GSTA4: variants seen among roughly 807,000 people sequenced by gnomAD.
GSTA4 encodes glutathione S-transferase alpha 4, also known as glutathione S-transferase A4.
Under a neutral mutation model 24.4 loss-of-function variants are expected in GSTA4, and 15 were observed. That is an observed-to-expected ratio of 0.61 (90% CI 0.41 to 0.95). GSTA4 has a LOEUF of 0.95. Among genes scored for constraint, GSTA4 ranks in the 40% least tolerant of loss-of-function variants. The pLI is 0.00. For missense variants in GSTA4, 244 were observed against 262.1 expected (o/e 0.93, Z 0.48); for synonymous variants, 92 against 94.2 (o/e 0.98, Z 0.13).
At position 52,985,494 on chromosome 6, in the gene GSTA4, C is replaced by T; in HGVS notation, c.229G>A (p.Asp77Asn). The change falls in exon 4 of 7, where the codon GAC (aspartate) becomes AAC (asparagine). Residue 77 changes from aspartate to asparagine, a missense_variant. Coordinates refer to ENST00000370963, the MANE Select transcript of GSTA4 (RefSeq NM_001512.4). The stretch of plus-strand genomic sequence containing the variant: ...TTCTTGCCAAAGAGATTGTGCTTGT[C>T]TGCTATGTAGTGGAGAATGCTTCGG... ...QTRSILHYIADKHNLFGKNLK... is the reference protein window; with the variant it reads ...QTRSILHYIANKHNLFGKNLK... The T allele has an allele frequency of 3.1e-6, 5 of 1,614,124 alleles. No individual in the cohort carries two copies. Among genetic ancestry groups the T allele is most frequent in the Non-Finnish European group, 4.2e-6 (5 of 1,179,964 alleles).
intron 2 of GSTA4, among the ~76,000 whole-genome samples, chr6:52,991,574 G>C (rs1006356331): frequency 1.3e-5 from 2 of 152,148 alleles, no homozygotes; most frequent in Non-Finnish European, 2.9e-5. Flanking sequence ...GAAGTACAGA[G>C]AATAGAGGAG....
At chr6:52,987,591 T>C (rs1314066878) in intron 2 of GSTA4, 183 bp from the exon 3 acceptor site, 1 of 515,788 alleles carries the variant, frequency 1.9e-6, no homozygotes. Flanking sequence ...GCTAAAAAAG[T>C]GGATCTCATG....
At chr6:52,980,377 T>C (rs1319680700) in intron 6 of GSTA4, among the ~76,000 whole-genome samples, 1 of 151,918 alleles carries the variant, frequency 6.6e-6, no homozygotes, top group Non-Finnish European at 1.5e-5. Context: ...TGATCTCGGC[T>C]CACTGCAACC....
chr6:52,983,393 C>A (rs1484873788), intron 5 of GSTA4, among the ~76,000 whole-genome samples: 1 of 152,176 alleles, frequency 6.6e-6, no homozygotes, highest in East Asian at 1.9e-4. Context: ...CTCTTGGATG[C>A]CCATGGGTGT....
At chr6:52,993,309 G>A (rs1763700002) in intron 2 of GSTA4, among the ~76,000 whole-genome samples, 2 of 152,134 alleles carry the variant, frequency 1.3e-5, no homozygotes, top group Admixed American at 1.3e-4. Context: ...AAAAAATGAA[G>A]AGGAAACTTA....
At position 52,982,685 on chromosome 6, in the gene GSTA4, T is replaced by A; in HGVS notation, c.435A>T (p.Gln145His). The change falls in exon 6 of 7, where the codon CAA becomes CAT. Residue 145 changes from glutamine (Q) to histidine (H), a missense_variant. Coordinates refer to ENST00000370963, the MANE Select transcript of GSTA4 (RefSeq NM_001512.4). ...VFEKILRGHG[Q>H]SFLVGNQLSL... is the part of the protein sequence containing the mutation. ...TCAGCTGATTACCAACAAGAAAGCT[T>A]TGTCCGTGACCCCTTAAAATCTGTA... 6.2e-7 allele frequency: 1 copy of A among 1,612,838 alleles called. No homozygotes were observed.
At chr6:52,989,137 T>C (rs539270466) in intron 2 of GSTA4, among the ~76,000 whole-genome samples, 18 of 152,290 alleles carry the variant, frequency 1.2e-4, no homozygotes, top group South Asian at 4.2e-4. Context: ...AACAGCACCA[T>C]GACAGTTTAC....
intron 3 of GSTA4, 101 bp from the exon 4 acceptor site, chr6:52,985,684 CT>C: frequency 1.7e-6 from 2 of 1,194,014 alleles, no homozygotes; most frequent in South Asian, 1.4e-5. Context: ...GAATCATGGC[CT>C]TAGGAAATAG....
chr6:52,993,153 T>G (rs949097102), intron 2 of GSTA4, among the ~76,000 whole-genome samples: 8 of 152,174 alleles, frequency 5.3e-5, no homozygotes. Flanking sequence ...GAATAAAGTC[T>G]GTAGTTTAGT....
intron 3 of GSTA4, among the ~76,000 whole-genome samples, chr6:52,986,711 G>A (rs1459573605): frequency 6.6e-6 from 1 of 152,178 alleles, no homozygotes; most frequent in Non-Finnish European, 1.5e-5. Context: ...ACACACAAAA[G>A]GTGGCCTTAC....
In GSTA4 at chr6:52,978,551, T is replaced by A; in HGVS notation, c.588A>T (p.Arg196Ser). 2.5e-6 allele frequency: 4 copies of A among 1,612,182 alleles called. No individual in the cohort carries two copies. Among genetic ancestry groups the A allele is most frequent in the Non-Finnish European group, 3.4e-6 (4 of 1,178,396 alleles). Residue 196 changes from arginine (R) to serine (S), a missense_variant, in exon 7 of 7, where the codon AGA becomes AGT. Coordinates refer to ENST00000370963, the MANE Select transcript of GSTA4 (RefSeq NM_001512.4). ...TCTTCTTGCTGCCAGGTTCAAGGAATCTCTTAATTGTAGGGATATTACTTA... is the reference window on the plus strand; with the variant it reads ...TCTTCTTGCTGCCAGGTTCAAGGAAACTCTTAATTGTAGGGATATTACTTA... ...VKLSNIPTIKRFLEPGSKKKP... is the reference protein window; with the variant it reads ...VKLSNIPTIKSFLEPGSKKKP...
intron 5 of GSTA4, among the ~76,000 whole-genome samples, chr6:52,984,135 G>C (rs1561984074): frequency 6.6e-6 from 1 of 152,230 alleles, no homozygotes; most frequent in Non-Finnish European, 1.5e-5. Flanking sequence ...GAATGAATGA[G>C]GTAGTTTTTG....
chr6:52,992,682 C>A (rs1224402256), intron 2 of GSTA4, among the ~76,000 whole-genome samples: 1 of 152,156 alleles, frequency 6.6e-6, no homozygotes, highest in African/African-American at 2.4e-5. Context: ...AAATATCTGA[C>A]CAGTGCTTTT....
At chr6:52,979,923 G>T (rs1485831154) in intron 6 of GSTA4, among the ~76,000 whole-genome samples, 1 of 152,060 alleles carries the variant, frequency 6.6e-6, no homozygotes, top group African/African-American at 2.4e-5. Flanking sequence ...TTTATCTGGG[G>T]TTCATAGTTA....
In GSTA4 at chr6:52,982,563, G is replaced by A; in HGVS notation, c.546+11C>T. 1 of 1,602,902 alleles carries A rather than the reference G, an allele frequency of 6.2e-7. No homozygotes were observed. Among genetic ancestry groups the A allele is most frequent in the Non-Finnish European group, 8.5e-7 (1 of 1,172,848 alleles). On this transcript the variant is annotated intron_variant, in intron 6 of 6. Coordinates refer to ENST00000370963, the MANE Select transcript of GSTA4 (RefSeq NM_001512.4). ...TTCTAGGCCAATCTTCTAATACATA[G>A]TTTTATTTACCTGGAGGAAAGGAAA...
chr6:52,985,554 T>C lies in GSTA4; in HGVS notation c.169A>G (p.Met57Val), dbSNP rs748650259. Reference sequence around the variant, plus strand: ...AACTTCATCCCGTCAATTTCAACCATGGGCACTTGTTGGAACAGCAGGTGG... The same window carrying C: ...AACTTCATCCCGTCAATTTCAACCACGGGCACTTGTTGGAACAGCAGGTGG... Reference protein sequence around the residue: ...GNHLLFQQVPMVEIDGMKLVQ... With the variant: ...GNHLLFQQVPVVEIDGMKLVQ... Residue 57 changes from methionine to valine, a missense_variant, in exon 4 of 7, where the codon ATG (methionine) becomes GTG (valine). Transcript: ENST00000370963. 1.2e-6 allele frequency: 2 copies of C among 1,614,018 alleles called. No homozygotes were observed. Among genetic ancestry groups the C allele is most frequent in the East Asian group, 2.2e-5 (1 of 44,880 alleles).
chr6:52,987,656 G>C (rs1763588709), intron 2 of GSTA4: 1 of 395,020 alleles, frequency 2.5e-6, no homozygotes, highest in East Asian at 4.8e-5. Flanking sequence ...GAGAGGAATG[G>C]GATGTGAAAA....
chr6:52,991,756 C>CT (rs11440808), intron 2 of GSTA4, among the ~76,000 whole-genome samples: 12,984 of 130,130 alleles, frequency 0.1, 858 homozygotes, highest in African/African-American at 0.12. Context: ...CTATTAATAC[C>CT]TTTTTTTTTT....
intron 6 of GSTA4, among the ~76,000 whole-genome samples, chr6:52,980,962 T>C (rs981651377): frequency 3.3e-5 from 5 of 152,230 alleles, no homozygotes; most frequent in Admixed American, 3.3e-4. Flanking sequence ...AAGTTGCAGA[T>C]CCCTTCCTCT....
Sources: gnomAD v4.1 joint callset for allele counts (sites outside exome capture counted in the v4.1 genomes callset) on GRCh38, gnomAD v4.1.1 for gene constraint, MANE v1.5 for transcripts, NCBI Gene and HGNC (gene_info 2026-07-23, HGNC 2026-07-21) for gene names.